The following GLIPR1L1 variants were observed in gnomAD, a reference collection of about 807,000 sequenced individuals.
GLIPR1L1 encodes GLIPR1-like protein 1.
Under a neutral mutation model 29.9 loss-of-function variants are expected in GLIPR1L1, and 26 were observed. The observed-to-expected ratio is 0.87, with a 90% CI of 0.64 to 1.21. GLIPR1L1 has a LOEUF of 1.21. GLIPR1L1 is among the 50% of genes most tolerant of loss of function. The probability of loss-of-function intolerance (pLI) is 0.00; values close to 1 mark genes in which losing one functional copy is unlikely to be tolerated. For synonymous variants in GLIPR1L1, 77 were observed against 97.5 expected (o/e 0.79, Z 1.24); for missense variants, 305 against 290.3 (o/e 1.05, Z -0.37).
rs115139192 is a variant in GLIPR1L1 at position 75,337,123 on chromosome 12, G to A, written c.174+2221G>A. On this transcript the variant is annotated intron_variant, in intron 1 of 5. Transcript: ENST00000378695. ...GCAAAAGAAGTGTTTGGAAGCATAC[G>A]TATAGATTTAAATGAATATTTTAGG... 1.2e-4 allele frequency among the ~76,000 whole-genome samples: 18 copies of A among 151,814 alleles called. 1 individual carries two copies. The highest frequency in any genetic ancestry group is 6.2e-4 in the South Asian group (3 of 4,820).
intron 4 of GLIPR1L1, chr12:75,366,901 C>G (rs1249510126): frequency 1.4e-6 from 1 of 701,764 alleles, no homozygotes; most frequent in Admixed American, 2.0e-5. Context: ...TGTAGGGCCA[C>G]TGCATGTCAA....
intron 1 of GLIPR1L1, among the ~76,000 whole-genome samples, chr12:75,336,214 A>T (rs1372158563): frequency 2.0e-5 from 3 of 151,904 alleles, no homozygotes; most frequent in African/African-American, 4.8e-5. Context: ...ATATACAAAG[A>T]AGTAGAGCTA....
chr12:75,343,780 A>C lies in GLIPR1L1; in HGVS notation c.262A>C (p.Lys88Gln). The C allele has an allele frequency of 6.2e-7, 1 of 1,613,232 alleles. No individual in the cohort carries two copies. The change falls in exon 2 of 6, where the codon AAA (lysine) becomes CAA (glutamine). Residue 88 changes from lysine (K) to glutamine (Q), a missense_variant. Transcript: ENST00000378695. ...TAATGACTGTTTGGATAAATCATATAAATGCTATGCAGCTTTTGAATATGT... is the reference window on the plus strand; with the variant it reads ...TAATGACTGTTTGGATAAATCATATCAATGCTATGCAGCTTTTGAATATGT... Reference protein sequence around the residue: ...EHNDCLDKSYKCYAAFEYVGE... With the variant: ...EHNDCLDKSYQCYAAFEYVGE...
intron 4 of GLIPR1L1, chr12:75,366,840 A>G: frequency 1.4e-6 from 1 of 700,092 alleles, no homozygotes; most frequent in East Asian, 2.7e-5. Flanking sequence ...GAACAGCTCT[A>G]TATGCATTTC....
intron 4 of GLIPR1L1, among the ~76,000 whole-genome samples, chr12:75,365,723 A>G (rs1280124444): frequency 6.6e-6 from 1 of 152,112 alleles, no homozygotes; most frequent in Non-Finnish European, 1.5e-5. Context: ...ATTTATAAAA[A>G]CTGTGATAGT....
intron 4 of GLIPR1L1, chr12:75,366,992 C>G (rs1264783492): frequency 2.9e-6 from 2 of 701,614 alleles, no homozygotes; most frequent in Non-Finnish European, 5.2e-6. Flanking sequence ...ACAAAATGTC[C>G]TTTCTCTTCA....
chr12:75,358,604 T>TA (rs965848464), intron 3 of GLIPR1L1, among the ~76,000 whole-genome samples: 16 of 149,324 alleles, frequency 1.1e-4, no homozygotes, highest in Non-Finnish European at 1.3e-4. Context: ...TGCCTAATAG[T>TA]AAAAAAAAAT....
intron 3 of GLIPR1L1, among the ~76,000 whole-genome samples, chr12:75,358,278 G>C (rs1023110166): frequency 6.6e-6 from 1 of 151,676 alleles, no homozygotes; most frequent in African/African-American, 2.4e-5. Flanking sequence ...GAAATAAAGA[G>C]AAAAGTATAG....
rs747990084 is a variant in GLIPR1L1, at chr12:75,343,718, T to C, written c.200T>C (p.Met67Thr). The C allele has an allele frequency of 5.0e-6, 8 of 1,611,268 alleles. No individual in the cohort carries two copies. Among genetic ancestry groups the C allele is most frequent in the South Asian group, 2.2e-5 (2 of 90,728 alleles). The change falls in exon 2 of 6, where the codon ATG (methionine) becomes ACG (threonine). Residue 67 changes from methionine (M) to threonine (T), a missense_variant. Physicochemically the swap from Met to Thr is moderately conservative, Grantham distance 81. Coordinates refer to ENST00000378695, the MANE Select transcript of GLIPR1L1 (RefSeq NM_001304964.2). Reference protein sequence around the residue: ...YMIWDKGLAKMAKAWANQCKF... With the variant: ...YMIWDKGLAKTAKAWANQCKF... ...ATTTGGGATAAAGGTTTAGCAAAGA[T>C]GGCTAAAGCATGGGCAAACCAGTGC...
chr12:75,358,726 T>TA (rs1244031581), intron 3 of GLIPR1L1, among the ~76,000 whole-genome samples: 1 of 142,356 alleles, frequency 7.0e-6, no homozygotes, highest in Non-Finnish European at 1.5e-5. Context: ...ATATATAATA[T>TA]ATTATATATA....
chr12:75,351,290 A>G (rs185359989), intron 3 of GLIPR1L1, among the ~76,000 whole-genome samples: 1 of 152,334 alleles, frequency 6.6e-6, no homozygotes, highest in East Asian at 1.9e-4. Flanking sequence ...GAACTTCCTC[A>G]ACCTAGCAAG....
At chr12:75,362,038 A>T (rs2043630019) in intron 3 of GLIPR1L1, among the ~76,000 whole-genome samples, 1 of 152,184 alleles carries the variant, frequency 6.6e-6, no homozygotes. Flanking sequence ...TAAAATTAAA[A>T]ATAACTACTA....
At chr12:75,349,314 T>C (rs761955683) in intron 3 of GLIPR1L1, among the ~76,000 whole-genome samples, 1 of 152,212 alleles carries the variant, frequency 6.6e-6, no homozygotes, top group South Asian at 2.1e-4. Flanking sequence ...TAAGAAATGA[T>C]TGAAAATGAT....
intron 3 of GLIPR1L1, among the ~76,000 whole-genome samples, chr12:75,358,903 T>A (rs1300811145): frequency 2.2e-5 from 3 of 134,094 alleles, no homozygotes; most frequent in Non-Finnish European, 4.9e-5. Context: ...CATATAATTA[T>A]ATATTATATT....
At chr12:75,344,489 A>G (rs1409027027) in intron 2 of GLIPR1L1, among the ~76,000 whole-genome samples, 1 of 152,090 alleles carries the variant, frequency 6.6e-6, no homozygotes, top group Non-Finnish European at 1.5e-5. Flanking sequence ...TACATCTTCA[A>G]TGAATATACC....
intron 3 of GLIPR1L1, among the ~76,000 whole-genome samples, chr12:75,349,195 G>C (rs2042646750): frequency 6.6e-6 from 1 of 152,162 alleles, no homozygotes; most frequent in South Asian, 2.1e-4. Context: ...CACAGTTCTT[G>C]GCACTCACAC....
intron 2 of GLIPR1L1, among the ~76,000 whole-genome samples, chr12:75,346,186 G>C (rs2042433034): frequency 6.6e-6 from 1 of 152,116 alleles, no homozygotes; most frequent in African/African-American, 2.4e-5. Context: ...TAATGATGTA[G>C]TTAGTTATTC....
intron 3 of GLIPR1L1, among the ~76,000 whole-genome samples, chr12:75,351,019 T>C (rs2042773802): frequency 6.6e-6 from 1 of 152,194 alleles, no homozygotes; most frequent in South Asian, 2.1e-4. Context: ...CTGATGGAGC[T>C]GTAAAACACA....
At chr12:75,351,553 T>G (rs1459488036) in intron 3 of GLIPR1L1, among the ~76,000 whole-genome samples, 2 of 151,330 alleles carry the variant, frequency 1.3e-5, no homozygotes, top group East Asian at 1.9e-4. Flanking sequence ...TTGTTTTGTT[T>G]TTTTTTTTTT....
Sources: gnomAD v4.1 joint callset for allele counts (sites outside exome capture counted in the v4.1 genomes callset) on GRCh38, gnomAD v4.1.1 for gene constraint, MANE v1.5 for transcripts, NCBI Gene and HGNC (gene_info 2026-07-23, HGNC 2026-07-21) for gene names.